The following EMP2 variants were observed in gnomAD, a reference collection of about 807,000 sequenced individuals.
EMP2 encodes epithelial membrane protein 2.
Under a neutral mutation model 13.7 loss-of-function variants are expected in EMP2, and 19 were observed. The ratio of observed to expected loss-of-function variants is 1.38; its 90% CI spans 0.97 to 2.03. EMP2 has a LOEUF of 2.03. EMP2 is among the 30% of genes most tolerant of loss of function. EMP2 has a pLI of 0.00. For synonymous variants in EMP2, 97 were observed against 84.7 expected (o/e 1.15, Z -0.80); for missense variants, 253 against 220.7 (o/e 1.15, Z -0.93).
At chr16:10,555,651 G>A (rs931058145) in intron 1 of EMP2, among the ~76,000 whole-genome samples, 7 of 151,458 alleles carry the variant, frequency 4.6e-5, no homozygotes, top group East Asian at 1.9e-4. Flanking sequence ...ACAATGGAGC[G>A]ATCTCGGCTC....
At chr16:10,562,340 CT>C (rs2050877355) in intron 1 of EMP2, among the ~76,000 whole-genome samples, 1 of 41,012 alleles carries the variant, frequency 2.4e-5, no homozygotes, top group African/African-American at 1.1e-4. Context: ...TGCATGTTCT[CT>C]CTCTCTCTCT....
intron 2 of EMP2, chr16:10,544,872 G>C (rs1398143538): frequency 6.6e-6 from 1 of 152,202 alleles, no homozygotes; most frequent in African/African-American, 2.4e-5. Context: ...GTGACAGAGA[G>C]AGACCCTGTC....
At chr16:10,574,437 C>T (rs1351994224) in intron 1 of EMP2, among the ~76,000 whole-genome samples, 2 of 152,164 alleles carry the variant, frequency 1.3e-5, no homozygotes, top group African/African-American at 4.8e-5. Context: ...ACTGTGGCCC[C>T]CCCTCATCCC....
intron 2 of EMP2, chr16:10,546,516 A>C (rs1051761486): frequency 1.3e-5 from 2 of 152,220 alleles, no homozygotes. Context: ...GGAAAGTTCC[A>C]TGCATGAGCT....
At chr16:10,543,051 G>C (rs1003106164) in intron 3 of EMP2, among the ~76,000 whole-genome samples, 1 of 152,196 alleles carries the variant, frequency 6.6e-6, no homozygotes, top group Non-Finnish European at 1.5e-5. Flanking sequence ...TCGCCATATT[G>C]ACCAGGCTGG....
chr16:10,579,303 T>G (rs192480964), intron 1 of EMP2, among the ~76,000 whole-genome samples: 2 of 152,270 alleles, frequency 1.3e-5, no homozygotes, highest in Admixed American at 1.3e-4. Flanking sequence ...ATGTGTCGGT[T>G]CTTAGATTTC....
intron 1 of EMP2, among the ~76,000 whole-genome samples, chr16:10,573,560 C>A (rs2050962356): frequency 6.6e-6 from 1 of 152,224 alleles, no homozygotes; most frequent in African/African-American, 2.4e-5. Context: ...GGCATCATCT[C>A]TCCCCATCCT....
At chr16:10,561,345 C>A (rs1221912758) in intron 1 of EMP2, among the ~76,000 whole-genome samples, 1 of 152,118 alleles carries the variant, frequency 6.6e-6, no homozygotes, top group African/African-American at 2.4e-5. Context: ...AGAAAACGGG[C>A]TAGAACCAGG....
intron 1 of EMP2, among the ~76,000 whole-genome samples, chr16:10,574,818 G>A (rs915221885): frequency 2.0e-5 from 3 of 152,108 alleles, no homozygotes; most frequent in African/African-American, 7.2e-5. Context: ...CCAAAGTGCT[G>A]GGATTATAGG....
intron 1 of EMP2, among the ~76,000 whole-genome samples, chr16:10,571,064 CTG>C (rs1425116821): frequency 6.6e-6 from 1 of 151,530 alleles, no homozygotes; most frequent in Non-Finnish European, 1.5e-5. Flanking sequence ...AGAAACCAGC[CTG>C]GCCAACACGG....
At chr16:10,551,368 T>G (rs928656954) in intron 1 of EMP2, among the ~76,000 whole-genome samples, 3 of 152,232 alleles carry the variant, frequency 2.0e-5, no homozygotes, top group African/African-American at 7.2e-5. Flanking sequence ...AAACTTTCAC[T>G]CAGAGTTTAA....
intron 3 of EMP2, among the ~76,000 whole-genome samples, chr16:10,541,693 T>C (rs899486129): frequency 4.6e-5 from 7 of 152,036 alleles, no homozygotes; most frequent in African/African-American, 1.5e-4. Context: ...ACAGACGAGA[T>C]GGAAGGGAGC....
intron 1 of EMP2, among the ~76,000 whole-genome samples, chr16:10,549,534 G>C (rs1567204556): frequency 6.6e-6 from 1 of 152,160 alleles, no homozygotes; most frequent in Non-Finnish European, 1.5e-5. Flanking sequence ...GGAAGATGCA[G>C]CCTCCTAATA....
In EMP2 at chr16:10,531,492, A is replaced by C. The variant is rs12925190; in HGVS notation, c.*1413T>G. 10,697 of 150,500 alleles carry C rather than the reference A, an allele frequency of 0.071. 469 individuals carry two copies. Among genetic ancestry groups the C allele is most frequent in the South Asian group, 0.11 (542 of 4,736 alleles). The allele number at this position is 150,500 out of a possible 1,614,324, so 9.3% of individuals were successfully genotyped here. ...ATTACAGGCATGCACCACCACGCCC[A>C]GCTCATTTTTGTATTTTTAGTAGAG... On this transcript the variant is annotated 3_prime_UTR_variant, in exon 5 of 5. Transcript: ENST00000359543.
chr16:10,555,661 C>T (rs1004380099), intron 1 of EMP2, among the ~76,000 whole-genome samples: 1 of 151,538 alleles, frequency 6.6e-6, no homozygotes, highest in African/African-American at 2.4e-5. Flanking sequence ...GATCTCGGCT[C>T]ACCACAACCT....
intron 1 of EMP2, among the ~76,000 whole-genome samples, chr16:10,569,979 C>G (rs2050936019): frequency 6.6e-6 from 1 of 152,168 alleles, no homozygotes; most frequent in Admixed American, 6.5e-5. Context: ...AACCCCCTGC[C>G]CTTGCAGCCT....
chr16:10,565,012 C>A (rs2050897738), intron 1 of EMP2, among the ~76,000 whole-genome samples: 1 of 152,128 alleles, frequency 6.6e-6, no homozygotes, highest in Non-Finnish European at 1.5e-5. Flanking sequence ...TTATTAAATT[C>A]CAGCTCCAAG....
At chr16:10,579,418 G>C (rs2051007662) in intron 1 of EMP2, among the ~76,000 whole-genome samples, 1 of 152,058 alleles carries the variant, frequency 6.6e-6, no homozygotes, top group African/African-American at 2.4e-5. Context: ...CCGATGATAA[G>C]CATACAACTC....
intron 4 of EMP2, among the ~76,000 whole-genome samples, 182 bp downstream of exon 4, chr16:10,537,746 C>T (rs991271506): frequency 6.7e-6 from 1 of 149,032 alleles, no homozygotes; most frequent in Non-Finnish European, 1.5e-5. Flanking sequence ...CACTGTGGTA[C>T]AGCATGCATG....
Sources: allele counts gnomAD v4.1 joint callset (sites outside exome capture counted in the v4.1 genomes callset), GRCh38; gene constraint gnomAD v4.1.1; transcripts MANE v1.5; gene names NCBI Gene and HGNC (gene_info 2026-07-23, HGNC 2026-07-21).